Variants in RNGTT observed in about 807,000 individuals in gnomAD.
The protein encoded by RNGTT is RNA guanylyltransferase and 5'-phosphatase.
A neutral mutation model predicts 79.3 loss-of-function variants in RNGTT; 33 were observed. The ratio of observed to expected loss-of-function variants is 0.42; its 90% confidence interval spans 0.32 to 0.56. RNGTT has a LOEUF of 0.56. RNGTT is among the 20% of genes least tolerant of loss of function. RNGTT has a pLI of 0.17. For synonymous variants in RNGTT, 222 were observed against 235.9 expected, an observed-to-expected ratio of 0.94 and a Z score of 0.54; for missense variants, 497 against 739.1, an observed-to-expected ratio of 0.67 and a Z score of 3.80.
At chr6:88,838,343 T>C (rs115226387) in intron 11 of RNGTT, among the ~76,000 whole-genome samples, 1,835 of 152,246 alleles carry the variant, frequency 0.012, 34 homozygotes, top group African/African-American at 0.041. Context: ...ACTTATATAG[T>C]TGTCTATGTA....
intron 13 of RNGTT, among the ~76,000 whole-genome samples, chr6:88,729,388 GAAAAAAA>G (rs59571346): frequency 3.8e-5 from 3 of 79,726 alleles, no homozygotes; most frequent in African/African-American, 1.0e-4. Flanking sequence ...ACCAGAAAAA[GAAAAAAA>G]AAAAAAAAAA....
At chr6:88,853,376 A>G (rs1344546687) in intron 9 of RNGTT, among the ~76,000 whole-genome samples, 1 of 152,138 alleles carries the variant, frequency 6.6e-6, no homozygotes, top group Non-Finnish European at 1.5e-5. Flanking sequence ...GTGGTGGCAC[A>G]TGCCTGTAAT....
chr6:88,771,303 A>ATGTGTGTGTGTG (rs373169358), intron 12 of RNGTT, among the ~76,000 whole-genome samples: 1 of 82,498 alleles, frequency 1.2e-5, no homozygotes, highest in East Asian at 3.7e-4. Context: ...GTATGTATGT[A>ATGTGTGTGTGTG]TGTGTGTGTG....
chr6:88,674,161 A>C (rs1774767020), intron 14 of RNGTT, among the ~76,000 whole-genome samples: 1 of 152,246 alleles, frequency 6.6e-6, no homozygotes, highest in Admixed American at 6.5e-5. Context: ...GATGAACTTT[A>C]GAGAACGTTT....
intron 8 of RNGTT, among the ~76,000 whole-genome samples, chr6:88,860,837 AAC>A (rs199561273): frequency 0.025 from 3,803 of 150,550 alleles, 74 homozygotes; most frequent in Non-Finnish European, 0.04. Context: ...AAAAAAAAAA[AAC>A]ATGTTAATGG....
Position 88,853,762 on chromosome 6 carries a change from T to C in RNGTT, c.899A>G (p.Tyr300Cys). ...KVSWKADGTRYMMLIDGTNEV... is the reference protein window; with the variant it reads ...KVSWKADGTRCMMLIDGTNEV... The stretch of plus-strand genomic sequence containing the variant: ...ATTTGTGCCATCAATCAACATCATG[T>C]ACCTGTAAATGAAACATTAAAAAGC... Residue 300 changes from tyrosine (Y) to cysteine (C), a missense_variant and splice_region_variant, in exon 9 of 16, where the codon TAC becomes TGC. Coordinates refer to ENST00000369485, the MANE Select transcript of RNGTT (RefSeq NM_003800.5). 6.5e-7 allele frequency: 1 copy of C among 1,529,912 alleles called. No homozygotes were observed. The highest frequency in any genetic ancestry group is 8.9e-7 in the Non-Finnish European group (1 of 1,121,946). 94.8% of individuals were successfully genotyped at this position (1,529,912 alleles called of 1,614,324 possible).
chr6:88,720,725 T>C (rs1298939971), intron 13 of RNGTT, among the ~76,000 whole-genome samples: 1 of 152,246 alleles, frequency 6.6e-6, no homozygotes, highest in East Asian at 1.9e-4. Flanking sequence ...AGATTAGGAA[T>C]CTGGTCTACC....
intron 12 of RNGTT, among the ~76,000 whole-genome samples, chr6:88,797,012 A>G (rs1245055957): frequency 6.6e-6 from 1 of 152,196 alleles, no homozygotes; most frequent in East Asian, 1.9e-4. Context: ...AGATGATTTA[A>G]TATTGCAAAC....
Position 88,930,043 on chromosome 6 carries a change from TATATAC to T in RNGTT, c.175-782_175-777del, listed in dbSNP as rs1017776904. ...ATACACATATATGCATATATATGCA[TATATAC>T]ATATACATGTATATGCATATGTATA... On this transcript the variant is annotated intron_variant, in intron 2 of 15. Coordinates refer to ENST00000369485, the MANE Select transcript of RNGTT (RefSeq NM_003800.5). Among the ~76,000 whole-genome samples, 12 of 148,872 alleles carry T rather than the reference TATATAC, an allele frequency of 8.1e-5. No individual in the cohort carries two copies. In the East Asian group the frequency reaches 9.8e-4, roughly 12 times the overall value.
chr6:88,915,453 C>A (rs566642110), intron 4 of RNGTT, among the ~76,000 whole-genome samples: 86 of 152,282 alleles, frequency 5.6e-4, no homozygotes, highest in African/African-American at 2.0e-3. Context: ...AGAATGAAAT[C>A]ACATCCCTCG....
At chr6:88,802,024 AAAGT>A (rs1213980675) in intron 11 of RNGTT, among the ~76,000 whole-genome samples, 2 of 152,208 alleles carry the variant, frequency 1.3e-5, no homozygotes, top group Non-Finnish European at 2.9e-5. Context: ...GAAACTCTGG[AAAGT>A]AATAGATAAA....
At chr6:88,785,535 C>T (rs972150097) in intron 12 of RNGTT, among the ~76,000 whole-genome samples, 8 of 151,976 alleles carry the variant, frequency 5.3e-5, no homozygotes, top group Admixed American at 2.0e-4. Context: ...TGGCACTTTG[C>T]TATTACAATT....
At chr6:88,618,242 C>A (rs77185813) in intron 14 of RNGTT, among the ~76,000 whole-genome samples, 4,576 of 152,258 alleles carry the variant, frequency 0.03, 234 homozygotes, top group African/African-American at 0.1. Context: ...AACAATACAT[C>A]ATTCTTCATT....
intron 14 of RNGTT, among the ~76,000 whole-genome samples, chr6:88,676,492 C>A (rs1774881394): frequency 6.6e-6 from 1 of 151,998 alleles, no homozygotes; most frequent in Non-Finnish European, 1.5e-5. Context: ...TAGCAGAATA[C>A]ATACGAGAAA....
chr6:88,738,837 A>AATAT (rs145536808), intron 13 of RNGTT, among the ~76,000 whole-genome samples: 3 of 128,254 alleles, frequency 2.3e-5, no homozygotes, highest in African/African-American at 8.4e-5. Flanking sequence ...CTATAAATAA[A>AATAT]ATACACACAC....
At chr6:88,701,319 G>A (rs1198470649) in intron 13 of RNGTT, among the ~76,000 whole-genome samples, 7 of 151,896 alleles carry the variant, frequency 4.6e-5, no homozygotes, top group African/African-American at 1.7e-4. Flanking sequence ...CTTTTTCTTT[G>A]ATCACATTTT....
At chr6:88,770,173 C>A (rs1227665749) in intron 12 of RNGTT, among the ~76,000 whole-genome samples, 1 of 151,802 alleles carries the variant, frequency 6.6e-6, no homozygotes. Flanking sequence ...GCTTTTTTTT[C>A]TTGTTCAGCT....
At chr6:88,809,427 A>G (rs1206791587) in intron 11 of RNGTT, among the ~76,000 whole-genome samples, 1 of 152,154 alleles carries the variant, frequency 6.6e-6, no homozygotes, top group Non-Finnish European at 1.5e-5. Flanking sequence ...AGATCACTAT[A>G]AAACAACCTG....
At chr6:88,802,578 T>C (rs1021147612) in intron 11 of RNGTT, among the ~76,000 whole-genome samples, 1 of 152,192 alleles carries the variant, frequency 6.6e-6, no homozygotes, top group Admixed American at 6.5e-5. Flanking sequence ...CACTTGCTAA[T>C]AAAGACATAC....
Sources: allele counts gnomAD v4.1 joint callset (sites outside exome capture counted in the v4.1 genomes callset), GRCh38; gene constraint gnomAD v4.1.1; transcripts MANE v1.5; gene names NCBI Gene and HGNC (gene_info 2026-07-23, HGNC 2026-07-21).